The following RAB1A variants were observed in gnomAD, a reference collection of about 807,000 sequenced individuals.
The protein encoded by RAB1A is RAB1A, member RAS oncogene family.
RAB1A carries 2 observed loss-of-function variants against 26.0 expected under a neutral mutation model. That is an observed-to-expected ratio of 0.08 (90% CI 0.03 to 0.24). The LOEUF is 0.24. Among genes scored for constraint, RAB1A ranks in the 10% least tolerant of loss-of-function variants. RAB1A has a pLI of 1.00. For missense variants in RAB1A, 100 were observed against 247.0 expected (o/e 0.40, Z 3.99); for synonymous variants, 84 against 84.9 (o/e 0.99, Z 0.06).
chr2:65,099,630 T>C (rs1056515050), intron 2 of RAB1A, among the ~76,000 whole-genome samples: 42 of 152,194 alleles, frequency 2.8e-4, no homozygotes, highest in African/African-American at 1.0e-3. Context: ...TTTTCAATTA[T>C]TTTTCCCCCT....
Position 65,088,592 on chromosome 2 carries a change from T to A in RAB1A, c.519A>T (p.Lys173Asn). The stretch of plus-strand genomic sequence containing the variant: ...CTGTTGCTCCGGGACCCATTCGCTT[T>A]TTAATCTCAGCTGCCATCGTCATGA... Reference protein sequence around the residue: ...QSFMTMAAEIKKRMGPGATAG... With the variant: ...QSFMTMAAEINKRMGPGATAG... The change falls in exon 6 of 6, where the codon AAA becomes AAT. Residue 173 changes from lysine to asparagine, a missense_variant. By Grantham distance (94) the Lys-to-Asn change is moderately conservative (BLOSUM62 0). Transcript: ENST00000409784. The A allele has an allele frequency of 6.2e-7, 1 of 1,613,784 alleles. No homozygotes were observed. The highest frequency in any genetic ancestry group is 1.3e-5 in the African/African-American group (1 of 75,060).
chr2:65,095,904 A>G (rs1233566643), intron 3 of RAB1A, among the ~76,000 whole-genome samples: 1 of 152,166 alleles, frequency 6.6e-6, no homozygotes, highest in Admixed American at 6.5e-5. Context: ...CTGTAATCCC[A>G]GCACTTTGGG....
chr2:65,103,214 G>A (rs1028784747), intron 2 of RAB1A, among the ~76,000 whole-genome samples: 14 of 147,630 alleles, frequency 9.5e-5, no homozygotes, highest in African/African-American at 3.5e-4. Context: ...CCAGCCACTT[G>A]GGAGGCTGAA....
At chr2:65,103,772 G>T (rs780106239) in intron 2 of RAB1A, among the ~76,000 whole-genome samples, 3 of 151,528 alleles carry the variant, frequency 2.0e-5, no homozygotes, top group East Asian at 1.9e-4. Flanking sequence ...ATGCTAATTT[G>T]TTTTTTTATT....
At chr2:65,120,455 CAAAAAA>C (rs67617654) in intron 1 of RAB1A, among the ~76,000 whole-genome samples, 1 of 56,652 alleles carries the variant, frequency 1.8e-5, no homozygotes, top group African/African-American at 5.8e-5. Flanking sequence ...CACCTTGTCT[CAAAAAA>C]AAAAAAAAAA....
intron 3 of RAB1A, among the ~76,000 whole-genome samples, chr2:65,096,905 C>T (rs555819462): frequency 1.3e-5 from 2 of 152,342 alleles, no homozygotes; most frequent in East Asian, 1.9e-4. Context: ...CGTATTGTCA[C>T]ATACACAAAG....
chr2:65,096,337 C>G (rs895386973), intron 3 of RAB1A, among the ~76,000 whole-genome samples: 2 of 151,986 alleles, frequency 1.3e-5, no homozygotes, highest in Non-Finnish European at 2.9e-5. Flanking sequence ...AACAAACAAA[C>G]AAAATGTTCA....
At chr2:65,118,658 A>AGT (rs1669879328) in intron 1 of RAB1A, among the ~76,000 whole-genome samples, 1 of 152,018 alleles carries the variant, frequency 6.6e-6, no homozygotes, top group Non-Finnish European at 1.5e-5. Context: ...TTTGTATTTT[A>AGT]GTAGAGACAG....
intron 1 of RAB1A, among the ~76,000 whole-genome samples, chr2:65,107,634 G>A (rs1436151509): frequency 6.6e-6 from 1 of 152,018 alleles, no homozygotes; most frequent in Admixed American, 6.6e-5. Context: ...ACTTAGTAGG[G>A]AGGTTTTTAA....
chr2:65,110,456 T>C (rs113212836), intron 1 of RAB1A, among the ~76,000 whole-genome samples: 12 of 125,996 alleles, frequency 9.5e-5, no homozygotes, highest in Admixed American at 6.5e-4. Context: ...AAAAAAAAAA[T>C]GGCCAAGCCA....
chr2:65,102,095 A>C (rs2103843180), intron 2 of RAB1A, among the ~76,000 whole-genome samples: 1 of 152,188 alleles, frequency 6.6e-6, no homozygotes, highest in Middle Eastern at 3.4e-3. Flanking sequence ...TGTATTTGCC[A>C]CTATTTCCAT....
At chr2:65,120,353 G>A (rs967978198) in intron 1 of RAB1A, among the ~76,000 whole-genome samples, 1 of 151,492 alleles carries the variant, frequency 6.6e-6, no homozygotes, top group Non-Finnish European at 1.5e-5. Context: ...CAACTTCAGA[G>A]GCTGAGGCAG....
At chr2:65,123,469 T>C (rs1040511118) in intron 1 of RAB1A, among the ~76,000 whole-genome samples, 2 of 151,908 alleles carry the variant, frequency 1.3e-5, no homozygotes, top group African/African-American at 4.8e-5. Context: ...ATTATTAAGA[T>C]TGCTTCCAGA....
At chr2:65,107,733 C>A (rs970524723) in intron 1 of RAB1A, among the ~76,000 whole-genome samples, 4 of 152,120 alleles carry the variant, frequency 2.6e-5, no homozygotes, top group Non-Finnish European at 5.9e-5. Context: ...AAAACATTCC[C>A]TGAATTTGCT....
At chr2:65,098,543 T>A (rs1204273252) in intron 2 of RAB1A, among the ~76,000 whole-genome samples, 4 of 147,944 alleles carry the variant, frequency 2.7e-5, no homozygotes, top group Non-Finnish European at 4.5e-5. Flanking sequence ...TTTTTTTTTT[T>A]AGATATAATG....
In RAB1A at chr2:65,097,956, A is replaced by G; in HGVS notation, c.192+15T>C. 6.9e-7 allele frequency: 1 copy of G among 1,439,618 alleles called. No homozygotes were observed. Among genetic ancestry groups the G allele is most frequent in the Non-Finnish European group, 9.5e-7 (1 of 1,056,904 alleles). 89.2% of individuals were successfully genotyped at this position (1,439,618 alleles called of 1,614,324 possible). Reference sequence around the variant, plus strand: ...CAAAATAAATTTCAAAAAAATTACTAGCCAAGTCACTTACTATTTGAAGCT... The same window carrying G: ...CAAAATAAATTTCAAAAAAATTACTGGCCAAGTCACTTACTATTTGAAGCT... On this transcript the variant is annotated intron_variant, in intron 3 of 5. Transcript: ENST00000409784.
rs550811889 is a variant in RAB1A at position 65,096,650 on chromosome 2, GATTGAAAGT to G, written c.192+1312_192+1320del. Among the ~76,000 whole-genome samples, 21 of 152,318 alleles carry G rather than the reference GATTGAAAGT, an allele frequency of 1.4e-4. No individual in the cohort carries two copies. The South Asian group carries it at 3.7e-3, about 27-fold the overall frequency. On this transcript the variant is annotated intron_variant, in intron 3 of 5. Transcript: ENST00000409784. ...AAATATGGAGGGTAATTTGTTCACT[GATTGAAAGT>G]ATTTCAAGCTATTTCTGAAAACTAA...
At chr2:65,112,283 G>T (rs981036858) in intron 1 of RAB1A, among the ~76,000 whole-genome samples, 25 of 151,818 alleles carry the variant, frequency 1.6e-4, no homozygotes, top group African/African-American at 5.8e-4. Context: ...TAGTAGCTGG[G>T]ATTACAGGTG....
chr2:65,101,220 C>T (rs1287027654), intron 2 of RAB1A, among the ~76,000 whole-genome samples: 3 of 152,086 alleles, frequency 2.0e-5, no homozygotes, highest in Non-Finnish European at 4.4e-5. Context: ...ATGCCTGAGC[C>T]GTTACTATTC....
Sources: gnomAD v4.1 joint callset for allele counts (sites outside exome capture counted in the v4.1 genomes callset) on GRCh38, gnomAD v4.1.1 for gene constraint, MANE v1.5 for transcripts, NCBI Gene and HGNC (gene_info 2026-07-23, HGNC 2026-07-21) for gene names.